PPP2R2D: variants seen among roughly 807,000 people sequenced by gnomAD.
The protein encoded by PPP2R2D is serine/threonine-protein phosphatase 2A 55 kDa regulatory subunit B delta isoform.
A neutral mutation model predicts 31.1 loss-of-function variants in PPP2R2D; 9 were observed. The ratio of observed to expected loss-of-function variants is 0.29; its 90% CI spans 0.17 to 0.51. PPP2R2D has a LOEUF of 0.51. Ranked by LOEUF, PPP2R2D falls within the 20% of genes least tolerant of loss-of-function variation. The probability of loss-of-function intolerance (pLI) is 0.98; values close to 1 mark genes in which losing one functional copy is unlikely to be tolerated. For synonymous variants in PPP2R2D, 179 were observed against 172.6 expected (o/e 1.04, Z -0.29); for missense variants, 391 against 465.6 (o/e 0.84, Z 1.48).
At chr10:131,908,408 T>TA (rs1350463670) in intron 2 of PPP2R2D, among the ~76,000 whole-genome samples, 6 of 152,226 alleles carry the variant, frequency 3.9e-5, no homozygotes, top group African/African-American at 1.4e-4. Flanking sequence ...AGTGTCGTCT[T>TA]AGACTCCAGA....
intron 2 of PPP2R2D, among the ~76,000 whole-genome samples, chr10:131,904,686 C>T (rs2035554662): frequency 6.6e-6 from 1 of 152,150 alleles, no homozygotes; most frequent in South Asian, 2.1e-4. Context: ...TACTACAGCC[C>T]TGCACTCTGG....
At chr10:131,904,889 G>C (rs1053775786) in intron 2 of PPP2R2D, among the ~76,000 whole-genome samples, 13,265 of 152,148 alleles carry the variant, frequency 0.087, 912 homozygotes, top group East Asian at 0.35. Flanking sequence ...TTTGATTTCT[G>C]TTTTGTTTTT....
chr10:131,946,503 C>T (rs529792449), intron 7 of PPP2R2D, among the ~76,000 whole-genome samples: 58 of 152,292 alleles, frequency 3.8e-4, no homozygotes, highest in Middle Eastern at 6.8e-3. Context: ...CGCCTGTTCT[C>T]TTTCCTGAGG....
In PPP2R2D at chr10:131,947,217, G is replaced by A. The variant is rs1168018818; in HGVS notation, c.821-313G>A. Among the ~76,000 whole-genome samples the A allele has an allele frequency of 1.3e-5, 2 of 152,224 alleles. No individual in the cohort carries two copies. The highest frequency in any genetic ancestry group is 2.9e-5 in the Non-Finnish European group (2 of 68,038). ...GGCACACATCAGGATGCCCCGAGGA[G>A]CTCCCACAGATGGCAGTGCCCAGGA... is the stretch of plus-strand genomic sequence containing the variant. On this transcript the variant is annotated intron_variant, in intron 7 of 8. Coordinates refer to ENST00000455566, the MANE Select transcript of PPP2R2D (RefSeq NM_018461.5). The surrounding 1 kb of genome is among the most constrained non-coding windows in gnomAD (Gnocchi z 4.3).
chr10:131,933,465 C>T (rs888130133), intron 2 of PPP2R2D, among the ~76,000 whole-genome samples: 4 of 152,130 alleles, frequency 2.6e-5, no homozygotes, highest in Non-Finnish European at 5.9e-5. Context: ...AGCAGGGAGG[C>T]GAGCTTGTAG....
Position 131,945,243 on chromosome 10 carries a change from CTA to C in PPP2R2D, c.656-51_656-50del. 6.4e-7 allele frequency: 1 copy of C among 1,571,518 alleles called. No homozygotes were observed. The highest frequency in any genetic ancestry group is 1.8e-5 in the Admixed American group (1 of 56,612). ...CCTATTTCGCGTGACTGAATGTAGA[CTA>C]ATTAACAACCAGCTGAGCTGAGCAC... On this transcript the variant is annotated intron_variant, in intron 6 of 8. Transcript: ENST00000455566. This position sits in a 1 kb window ranked among gnomAD's most constrained non-coding sequence, Gnocchi z 4.8.
chr10:131,939,868 CTTTTTT>C, intron 3 of PPP2R2D, 157 bp from the exon 4 acceptor site: 2 of 328,424 alleles, frequency 6.1e-6, no homozygotes, highest in Non-Finnish European at 1.1e-5. Context: ...CAAGTTCGTT[CTTTTTT>C]TTTTTTTTTT....
intron 2 of PPP2R2D, among the ~76,000 whole-genome samples, chr10:131,904,218 A>AT (rs1445986513): frequency 1.3e-5 from 2 of 148,470 alleles, no homozygotes; most frequent in African/African-American, 5.0e-5. Context: ...AAAAAAAAAA[A>AT]AGGAGAGAGA....
chr10:131,931,184 C>T (rs572459871), intron 2 of PPP2R2D, among the ~76,000 whole-genome samples: 2 of 152,268 alleles, frequency 1.3e-5, no homozygotes, highest in East Asian at 3.9e-4. Context: ...AGAGGCCTGG[C>T]TACGTTAGTA....
the PPP2R2D span, chr10:131,970,882 G>C: frequency 6.2e-7 from 1 of 1,614,164 alleles, no homozygotes; most frequent in East Asian, 2.2e-5. This position sits in a 1 kb window ranked among gnomAD's most constrained non-coding sequence, Gnocchi z 4.1. Context: ...AATATTTTCC[G>C]GCCGACTTGA....
rs554621935 is a variant in PPP2R2D, at chr10:131,945,545, C to T, written c.820+86C>T. ...CACAGTCTCGGCTCACGGCAAGCTCCGCCTCCCGGGTTCCAGCAAGTCTTC... is the reference window on the plus strand; with the variant it reads ...CACAGTCTCGGCTCACGGCAAGCTCTGCCTCCCGGGTTCCAGCAAGTCTTC... On this transcript the variant is annotated intron_variant, in intron 7 of 8. Transcript: ENST00000455566. The surrounding 1 kb of genome is among the most constrained non-coding windows in gnomAD (Gnocchi z 4.8). 58 of 1,463,310 alleles carry T rather than the reference C, an allele frequency of 4.0e-5. No homozygotes were observed. The highest frequency in any genetic ancestry group is 2.4e-4 in the South Asian group (18 of 74,434). The allele number at this position is 1,463,310 out of a possible 1,614,324, so 90.6% of individuals were successfully genotyped here. A position where few individuals can be genotyped will look rare whatever the true frequency, so the allele number is the denominator to read the frequency against.
chr10:131,918,614 A>G (rs1240514736), intron 2 of PPP2R2D, among the ~76,000 whole-genome samples: 20 of 143,914 alleles, frequency 1.4e-4, no homozygotes, highest in African/African-American at 4.7e-4. Flanking sequence ...CAGTGTTTGT[A>G]GGGACCTCAG....
chr10:131,924,442 C>T (rs567074980), intron 2 of PPP2R2D, among the ~76,000 whole-genome samples: 1 of 151,998 alleles, frequency 6.6e-6, no homozygotes, highest in Non-Finnish European at 1.5e-5. Context: ...TATTCTTTTA[C>T]CATTAATTGT....
At chr10:131,926,608 C>G (rs2036112201) in intron 2 of PPP2R2D, among the ~76,000 whole-genome samples, 1 of 152,230 alleles carries the variant, frequency 6.6e-6, no homozygotes, top group Admixed American at 6.5e-5. Context: ...GCCTGGCAGC[C>G]TCGGTAAACT....
At chr10:131,930,569 T>A (rs185644559) in intron 2 of PPP2R2D, among the ~76,000 whole-genome samples, 17 of 152,366 alleles carry the variant, frequency 1.1e-4, no homozygotes, top group Admixed American at 2.0e-4. Context: ...GGTTGAAAAT[T>A]GTTTTCTCCC....
At chr10:131,946,251 T>C (rs1391998003) in intron 7 of PPP2R2D, among the ~76,000 whole-genome samples, 1 of 152,236 alleles carries the variant, frequency 6.6e-6, no homozygotes. Context: ...GTTCTGGTTT[T>C]GTTTTTATTT....
At chr10:131,961,901 T>G (rs1266946598), downstream of PPP2R2D, among the ~76,000 whole-genome samples, 5 of 152,074 alleles carry the variant, frequency 3.3e-5, no homozygotes, top group Non-Finnish European at 7.4e-5. Context: ...GTCCCTAATT[T>G]CATGCGCCTC....
intron 2 of PPP2R2D, among the ~76,000 whole-genome samples, chr10:131,918,745 TGTTTGTAGG>T (rs1564812253): frequency 7.3e-6 from 1 of 137,280 alleles, no homozygotes; most frequent in Non-Finnish European, 1.6e-5. Context: ...AATGACACAG[TGTTTGTAGG>T]GACCTCACAC....
At position 131,906,835 on chromosome 10, in the gene PPP2R2D, G is replaced by A. The variant is rs1027956750; in HGVS notation, c.100+5505G>A. On this transcript the variant is annotated intron_variant, in intron 2 of 8. Transcript: ENST00000455566. ...ACACACCTGTAGTCCCAGCTACTCA[G>A]GAGGCTGAGGTGGGGGCATCGCTTG... 1.3e-4 allele frequency among the ~76,000 whole-genome samples: 20 copies of A among 151,962 alleles called. No homozygotes were observed. In the South Asian group the frequency reaches 3.1e-3, roughly 24 times the overall value.
Sources: allele counts gnomAD v4.1 joint callset (sites outside exome capture counted in the v4.1 genomes callset), GRCh38; gene constraint gnomAD v4.1.1; non-coding constraint Gnocchi (gnomAD v3.1); transcripts MANE v1.5; gene names NCBI Gene and HGNC (gene_info 2026-07-23, HGNC 2026-07-21).